Variants in KIFAP3 observed in about 807,000 individuals in gnomAD.
KIFAP3 encodes kinesin associated protein 3.
In KIFAP3, 68 loss-of-function variants were observed where a neutral mutation model predicts 106.5. The ratio of observed to expected loss-of-function variants is 0.64; its 90% CI spans 0.53 to 0.78. The LOEUF (loss-of-function observed/expected upper bound fraction) is 0.78. KIFAP3 is among the 30% of genes least tolerant of loss of function. KIFAP3 has a pLI of 0.00. For synonymous variants in KIFAP3, 320 were observed against 311.5 expected, an observed-to-expected ratio of 1.03 and a Z score of -0.29; for missense variants, 780 against 941.8, an observed-to-expected ratio of 0.83 and a Z score of 2.25.
intron 10 of KIFAP3, among the ~76,000 whole-genome samples, chr1:169,997,939 G>C (rs1005200308): frequency 2.0e-5 from 3 of 147,890 alleles, no homozygotes; most frequent in African/African-American, 7.5e-5. Context: ...TTAGGCTTAG[G>C]AGAATCATCT....
chr1:169,959,741 G>C (rs918533378), intron 18 of KIFAP3, among the ~76,000 whole-genome samples: 2 of 152,050 alleles, frequency 1.3e-5, no homozygotes, highest in Non-Finnish European at 2.9e-5. Flanking sequence ...TTCAAAGCAA[G>C]AAACTTGATT....
At chr1:169,968,421 TAACATAACTG>T (rs1313755300) in intron 17 of KIFAP3, among the ~76,000 whole-genome samples, 1 of 151,954 alleles carries the variant, frequency 6.6e-6, no homozygotes, top group Non-Finnish European at 1.5e-5. Flanking sequence ...CTTTGTGTTC[TAACATAACTG>T]ATGGAAAACA....
At chr1:170,073,639 T>C (rs1213343373) in intron 1 of KIFAP3, among the ~76,000 whole-genome samples, 2 of 152,176 alleles carry the variant, frequency 1.3e-5, no homozygotes, top group East Asian at 1.9e-4. Context: ...GGGTATTTAC[T>C]GAATCAGTAC....
chr1:170,080,454 C>T (rs1672002740), intron 1 of KIFAP3, among the ~76,000 whole-genome samples: 1 of 151,952 alleles, frequency 6.6e-6, no homozygotes, highest in African/African-American at 2.4e-5. Context: ...TAAGAGTTTA[C>T]ACAATTTTGA....
At chr1:169,949,090 T>C (rs1664599400) in intron 19 of KIFAP3, among the ~76,000 whole-genome samples, 1 of 151,844 alleles carries the variant, frequency 6.6e-6, no homozygotes, top group Non-Finnish European at 1.5e-5. Context: ...ATTTTTTAGT[T>C]CTCCTCAGTA....
In KIFAP3 at chr1:169,982,869, TG is replaced by T; in HGVS notation, c.1507-3del. ...GGCTGCAAGGTCCCCAACATAATCC[TG>T]AATAAAACATAATTTTAATATAAAT... On this transcript the variant is annotated splice_region_variant and splice_polypyrimidine_tract_variant and intron_variant, in intron 13 of 19. Transcript: ENST00000361580. 1 of 1,372,076 alleles carries T rather than the reference TG, an allele frequency of 7.3e-7. No individual in the cohort carries two copies. Among genetic ancestry groups the T allele is most frequent in the South Asian group, 1.9e-5 (1 of 51,498 alleles). The allele number at this position is 1,372,076 out of a possible 1,614,324, so 85.0% of individuals were successfully genotyped here.
chr1:169,922,980 TG>T (rs1662906659), intron 19 of KIFAP3: 1 of 333,490 alleles, frequency 3.0e-6, no homozygotes, highest in Non-Finnish European at 4.3e-6. Flanking sequence ...TGAATGCGTG[TG>T]TGTGTTTGTG....
At chr1:169,962,067 T>A (rs1665367707) in intron 17 of KIFAP3, among the ~76,000 whole-genome samples, 2 of 152,176 alleles carry the variant, frequency 1.3e-5, no homozygotes, top group African/African-American at 4.8e-5. Context: ...TTAGTCTAGA[T>A]AACACTGGGG....
chr1:169,996,419 G>T (rs1667376076), intron 10 of KIFAP3, among the ~76,000 whole-genome samples: 1 of 152,188 alleles, frequency 6.6e-6, no homozygotes, highest in African/African-American at 2.4e-5. Flanking sequence ...TTCTCTGAGA[G>T]AAGGTTAAAG....
At chr1:169,949,618 A>C (rs1664626852) in intron 19 of KIFAP3, among the ~76,000 whole-genome samples, 1 of 152,206 alleles carries the variant, frequency 6.6e-6, no homozygotes, top group Non-Finnish European at 1.5e-5. Context: ...AATATGGTGC[A>C]GATACATGGT....
chr1:169,952,760 TA>T (rs1202884904), intron 19 of KIFAP3, among the ~76,000 whole-genome samples: 1 of 152,108 alleles, frequency 6.6e-6, no homozygotes, highest in East Asian at 1.9e-4. Flanking sequence ...ATACTTGTTT[TA>T]AAATGTTGCT....
intron 19 of KIFAP3, among the ~76,000 whole-genome samples, chr1:169,948,628 G>C (rs1047471741): frequency 6.6e-6 from 1 of 151,954 alleles, no homozygotes; most frequent in African/African-American, 2.4e-5. Flanking sequence ...TATGGCCACA[G>C]TAATGAAGAT....
intron 10 of KIFAP3, among the ~76,000 whole-genome samples, chr1:170,010,317 A>T (rs892607425): frequency 1.3e-5 from 2 of 152,026 alleles, no homozygotes; most frequent in Non-Finnish European, 2.9e-5. Context: ...CATGAGATAG[A>T]AAATTTAAAA....
intron 11 of KIFAP3, 122 bp from the exon 12 acceptor site, chr1:169,984,812 A>G (rs1666732070): frequency 3.7e-6 from 2 of 545,496 alleles, no homozygotes; most frequent in East Asian, 2.9e-5. Flanking sequence ...ATAATTATTT[A>G]CATTTCAACA....
intron 11 of KIFAP3, among the ~76,000 whole-genome samples, chr1:169,988,785 T>G (rs1666962587): frequency 6.6e-6 from 1 of 151,998 alleles, no homozygotes; most frequent in African/African-American, 2.4e-5. Flanking sequence ...ATATGTAAAA[T>G]TTGGCACTAT....
At chr1:170,045,704 C>T (rs544001825) in intron 3 of KIFAP3, among the ~76,000 whole-genome samples, 5 of 152,130 alleles carry the variant, frequency 3.3e-5, no homozygotes, top group Non-Finnish European at 7.3e-5. Flanking sequence ...GAATTCTTCC[C>T]TGGCTACAAG....
intron 19 of KIFAP3, among the ~76,000 whole-genome samples, chr1:169,930,905 T>C (rs553852450): frequency 7.3e-6 from 1 of 137,916 alleles, no homozygotes; most frequent in South Asian, 2.3e-4. Flanking sequence ...TTTCATTTTA[T>C]TATTACTTCT....
intron 10 of KIFAP3, among the ~76,000 whole-genome samples, chr1:170,006,863 A>T (rs1385685390): frequency 6.6e-6 from 1 of 152,176 alleles, no homozygotes; most frequent in East Asian, 1.9e-4. Flanking sequence ...AGACATCCGT[A>T]TAGGCAGAGT....
chr1:170,000,006 G>A (rs938545733), intron 10 of KIFAP3, among the ~76,000 whole-genome samples: 2 of 152,056 alleles, frequency 1.3e-5, no homozygotes, highest in African/African-American at 4.8e-5. Flanking sequence ...CAATTAAAGG[G>A]CAAAACACAT....
Sources: allele counts gnomAD v4.1 joint callset (sites outside exome capture counted in the v4.1 genomes callset), GRCh38; gene constraint gnomAD v4.1.1; transcripts MANE v1.5; gene names NCBI Gene and HGNC (gene_info 2026-07-23, HGNC 2026-07-21).